TTC28: variants seen among roughly 807,000 people sequenced by gnomAD.
The protein encoded by TTC28 is tetratricopeptide repeat protein 28.
Under a neutral mutation model 198.0 loss-of-function variants are expected in TTC28, and 61 were observed. The ratio of observed to expected loss-of-function variants is 0.31; its 90% confidence interval spans 0.25 to 0.38. The LOEUF (loss-of-function observed/expected upper bound fraction) is 0.38, where lower values mean the gene tolerates loss of function less well. Ranked by LOEUF, TTC28 falls within the 10% of genes least tolerant of loss-of-function variation. The pLI is 1.00. For missense variants in TTC28, 2,678 were observed against 3,164.0 expected, an observed-to-expected ratio of 0.85 and a Z score of 3.69; for synonymous variants, 1,171 against 1,297.8, an observed-to-expected ratio of 0.90 and a Z score of 2.10.
At chr22:28,392,870 CTTTTT>C (rs1245558034) in intron 2 of TTC28, among the ~76,000 whole-genome samples, 4 of 80,678 alleles carry the variant, frequency 5.0e-5, no homozygotes, top group Admixed American at 2.0e-4. Context: ...TTCCTCCCTC[CTTTTT>C]TTTTTTTTTT....
In TTC28 at chr22:28,621,817, T is replaced by C. The variant is rs73170609; in HGVS notation, c.381+7735A>G. Among the ~76,000 whole-genome samples, 19 of 151,308 alleles carry C rather than the reference T, an allele frequency of 1.3e-4. No homozygotes were observed. In the South Asian group the frequency reaches 3.6e-3, roughly 28 times the overall value. ...AGTATGAAGGAATTATTTACCAATT[T>C]GATGCAGAGAATGAAAATGAAATAA... is the stretch of plus-strand genomic sequence containing the variant. On this transcript the variant is annotated intron_variant, in intron 2 of 22. Transcript: ENST00000397906.
intron 2 of TTC28, among the ~76,000 whole-genome samples, chr22:28,416,928 A>G (rs2047175109): frequency 6.6e-6 from 1 of 152,190 alleles, no homozygotes; most frequent in South Asian, 2.1e-4. Flanking sequence ...AAAATGCCAC[A>G]TCCATAGCAT....
At position 27,980,665 on chromosome 22, in the gene TTC28, T is replaced by C. The variant is rs978405053; in HGVS notation, c.*1556A>G. 6.6e-6 allele frequency: 1 copy of C among 152,256 alleles called. No individual in the cohort carries two copies. Among genetic ancestry groups the C allele is most frequent in the Non-Finnish European group, 1.5e-5 (1 of 68,050 alleles). 9.4% of individuals were successfully genotyped at this position (152,256 alleles called of 1,614,324 possible). A position where few individuals can be genotyped will look rare whatever the true frequency, so the allele number is the denominator to read the frequency against. On this transcript the variant is annotated 3_prime_UTR_variant, in exon 23 of 23. Transcript: ENST00000397906. ...CAGGCCAGGTGGCCGCCCACCTTCA[T>C]GAGGAACCCTGTAGTGAGGTGGGTA...
At chr22:28,461,198 T>C (rs578182545) in intron 2 of TTC28, among the ~76,000 whole-genome samples, 8 of 152,246 alleles carry the variant, frequency 5.3e-5, no homozygotes, top group Non-Finnish European at 8.8e-5. Flanking sequence ...AGAATGTCTA[T>C]TGTTTCATCT....
At chr22:28,623,227 C>T (rs569840734) in intron 2 of TTC28, among the ~76,000 whole-genome samples, 3 of 152,240 alleles carry the variant, frequency 2.0e-5, no homozygotes, top group South Asian at 2.1e-4. Flanking sequence ...GCTGGGACTA[C>T]AGGCATGCAC....
chr22:28,561,014 C>T (rs989143373), intron 2 of TTC28, among the ~76,000 whole-genome samples: 7 of 151,224 alleles, frequency 4.6e-5, no homozygotes, highest in African/African-American at 1.5e-4. Flanking sequence ...ACCTCGGCCT[C>T]CCAATGTGCT....
chr22:28,313,071 A>G (rs746130856), intron 2 of TTC28, among the ~76,000 whole-genome samples: 1 of 152,226 alleles, frequency 6.6e-6, no homozygotes, highest in Non-Finnish European at 1.5e-5. Context: ...CCATCAGAGT[A>G]TACTATAAAC....
chr22:28,292,995 C>T (rs1030918063), intron 5 of TTC28, among the ~76,000 whole-genome samples: 1 of 152,130 alleles, frequency 6.6e-6, no homozygotes, highest in Non-Finnish European at 1.5e-5. Flanking sequence ...AAATAGTTCA[C>T]TTTAGATATT....
rs979724659 is a variant in TTC28, at chr22:28,567,953, G to A, written c.381+61599C>T. 7.9e-5 allele frequency among the ~76,000 whole-genome samples: 12 copies of A among 152,104 alleles called. No individual in the cohort carries two copies. In the East Asian group the frequency reaches 2.3e-3, roughly 29 times the overall value. On this transcript the variant is annotated intron_variant, in intron 2 of 22. Transcript: ENST00000397906. ...CAACGTGTTTCAAATGTAATGAGAG[G>A]GAAGTTTAGATAATTGGGGAACAAT...
intron 2 of TTC28, among the ~76,000 whole-genome samples, chr22:28,431,965 G>A (rs1006665818): frequency 6.7e-6 from 1 of 148,488 alleles, no homozygotes; most frequent in African/African-American, 2.5e-5. Context: ...GCAACAGAGT[G>A]AGACTCTGTC....
chr22:28,166,394 C>T (rs1377278992), intron 5 of TTC28, among the ~76,000 whole-genome samples: 2 of 152,178 alleles, frequency 1.3e-5, no homozygotes, highest in Non-Finnish European at 2.9e-5. Flanking sequence ...CCACACCACA[C>T]CTATTCCAAA....
At chr22:28,571,878 G>A (rs2050065568) in intron 2 of TTC28, among the ~76,000 whole-genome samples, 1 of 151,342 alleles carries the variant, frequency 6.6e-6, no homozygotes, top group South Asian at 2.1e-4. Flanking sequence ...AACCCGGGAG[G>A]CAGAGGGTTG....
chr22:28,247,680 C>T (rs1930206696), intron 5 of TTC28, among the ~76,000 whole-genome samples: 1 of 152,186 alleles, frequency 6.6e-6, no homozygotes, highest in Non-Finnish European at 1.5e-5. Context: ...TCTGACCTAA[C>T]TCTTATAGAA....
At chr22:28,138,975 G>A (rs1023855068) in intron 6 of TTC28, among the ~76,000 whole-genome samples, 5 of 151,690 alleles carry the variant, frequency 3.3e-5, no homozygotes, top group Middle Eastern at 3.4e-3. Context: ...TGAATCACAA[G>A]GCTCCAAATT....
chr22:28,079,124 GT>G (rs1380865718), intron 12 of TTC28, among the ~76,000 whole-genome samples: 6 of 152,302 alleles, frequency 3.9e-5, no homozygotes, highest in Non-Finnish European at 8.8e-5. Flanking sequence ...ACTTAAGTGT[GT>G]TTGGGGAGCT....
chr22:28,047,137 C>T (rs950864255), intron 12 of TTC28, among the ~76,000 whole-genome samples: 2 of 152,168 alleles, frequency 1.3e-5, no homozygotes, highest in African/African-American at 4.8e-5. Flanking sequence ...CACCATGTTC[C>T]ACCTCAAGCC....
intron 5 of TTC28, among the ~76,000 whole-genome samples, chr22:28,288,470 A>G (rs537452284): frequency 2.2e-3 from 336 of 152,300 alleles, no homozygotes; most frequent in Admixed American, 5.2e-3. Flanking sequence ...TTTTTATAAC[A>G]GCCCCAAACT....
chr22:28,203,849 T>C (rs1304666558), intron 5 of TTC28, among the ~76,000 whole-genome samples: 2 of 152,166 alleles, frequency 1.3e-5, no homozygotes, highest in Non-Finnish European at 2.9e-5. Context: ...GTTTATGTTA[T>C]CTCTGCCTCA....
chr22:28,072,318 A>G (rs1487528697), intron 12 of TTC28, among the ~76,000 whole-genome samples: 11 of 152,176 alleles, frequency 7.2e-5, no homozygotes, highest in Admixed American at 7.2e-4. Context: ...CCACTCATCC[A>G]GTAAACATTC....
Sources: allele counts gnomAD v4.1 joint callset (sites outside exome capture counted in the v4.1 genomes callset), GRCh38; gene constraint gnomAD v4.1.1; transcripts MANE v1.5; gene names NCBI Gene and HGNC (gene_info 2026-07-23, HGNC 2026-07-21).